SAMD8: variants seen among roughly 807,000 people sequenced by gnomAD.
The protein encoded by SAMD8 is sterile alpha motif domain containing 8.
SAMD8 carries 20 observed loss-of-function variants against 42.0 expected under a neutral mutation model. The ratio of observed to expected loss-of-function variants is 0.48; its 90% CI spans 0.34 to 0.69. The LOEUF is 0.69. Among genes scored for constraint, SAMD8 ranks in the 30% least tolerant of loss-of-function variants. The probability of loss-of-function intolerance (pLI) is 0.01; values close to 1 mark genes in which losing one functional copy is unlikely to be tolerated. For synonymous variants in SAMD8, 162 were observed against 173.0 expected, an observed-to-expected ratio of 0.94 and a Z score of 0.50; for missense variants, 328 against 511.6, an observed-to-expected ratio of 0.64 and a Z score of 3.46.
intron 3 of SAMD8, 45 bp downstream of exon 3, chr10:75,164,785 G>A (rs1208496094): frequency 2.3e-6 from 3 of 1,316,654 alleles, no homozygotes; most frequent in African/African-American, 1.4e-5. Flanking sequence ...TTTGACTCCT[G>A]TATCAAGATC....
At chr10:75,159,161 G>A (rs1840499459) in intron 2 of SAMD8, among the ~76,000 whole-genome samples, 1 of 151,072 alleles carries the variant, frequency 6.6e-6, no homozygotes, top group Admixed American at 6.6e-5. Context: ...TGGGTCAAAC[G>A]GTGCTCATGC....
At chr10:75,170,917 C>T (rs1044210220) in intron 4 of SAMD8, among the ~76,000 whole-genome samples, 1 of 146,456 alleles carries the variant, frequency 6.8e-6, no homozygotes, top group Non-Finnish European at 1.5e-5. Context: ...GGGACCATCA[C>T]ACCTGGCTAT....
At chr10:75,128,486 A>T (rs1849198812) in intron 1 of SAMD8, among the ~76,000 whole-genome samples, 1 of 152,162 alleles carries the variant, frequency 6.6e-6, no homozygotes, top group Non-Finnish European at 1.5e-5. Flanking sequence ...TGTTGGGATT[A>T]CAGAAATGAG....
At chr10:75,160,759 A>G (rs1240051457) in intron 2 of SAMD8, among the ~76,000 whole-genome samples, 1 of 152,178 alleles carries the variant, frequency 6.6e-6, no homozygotes, top group Non-Finnish European at 1.5e-5. Context: ...CCTGCCCAAG[A>G]GGTAAGTTTA....
chr10:75,162,470 A>T (rs1326350357), intron 2 of SAMD8, among the ~76,000 whole-genome samples: 1 of 151,860 alleles, frequency 6.6e-6, no homozygotes, highest in Non-Finnish European at 1.5e-5. Context: ...ACCAACATGG[A>T]GAAACCCCAT....
chr10:75,176,953 G>C lies in SAMD8; in HGVS notation c.*261G>C. The C allele has an allele frequency of 2.7e-6, 1 of 364,776 alleles. No homozygotes were observed. 22.6% of individuals were successfully genotyped at this position (364,776 alleles called of 1,614,324 possible). A position where few individuals can be genotyped will look rare whatever the true frequency, so the allele number is the denominator to read the frequency against. ...AGACTTAATGTTGTGATTGAAGTCA[G>C]GCTGTACCCTTACCTGTTGAGTATT... On this transcript the variant is annotated 3_prime_UTR_variant, in exon 6 of 6. Coordinates refer to ENST00000542569, the MANE Select transcript of SAMD8 (RefSeq NM_001174156.2). The surrounding 1 kb of genome is among the most constrained non-coding windows in gnomAD (Gnocchi z 4.3).
upstream of SAMD8, among the ~76,000 whole-genome samples, chr10:75,109,747 G>C (rs1226573561): frequency 6.6e-6 from 1 of 152,142 alleles, no homozygotes; most frequent in Non-Finnish European, 1.5e-5. Flanking sequence ...AGAGAAATAT[G>C]GGTAAGAGAC....
rs544876293 is a variant in SAMD8, at chr10:75,179,237, A to G, written c.*2545A>G. ...GATGCATGCCTGTGGTCCCAGCTAC[A>G]TGGGAGGCTGAGGCAGAAGGATCAC... On this transcript the variant is annotated 3_prime_UTR_variant, in exon 6 of 6. Transcript: ENST00000542569. 2 of 151,678 alleles carry G rather than the reference A, an allele frequency of 1.3e-5. No homozygotes were observed. The highest frequency in any genetic ancestry group is 2.4e-5 in the African/African-American group (1 of 41,218). 9.4% of individuals were successfully genotyped at this position (151,678 alleles called of 1,614,324 possible).
chr10:75,146,378 G>A (rs893173456), intron 1 of SAMD8, among the ~76,000 whole-genome samples: 2 of 146,488 alleles, frequency 1.4e-5, no homozygotes, highest in Non-Finnish European at 1.5e-5. Flanking sequence ...TCCGCCTCCC[G>A]GGTTCAAGCC....
chr10:75,161,539 CAT>C (rs1172722213), intron 2 of SAMD8, among the ~76,000 whole-genome samples: 4 of 150,158 alleles, frequency 2.7e-5, no homozygotes, highest in Non-Finnish European at 5.9e-5. Flanking sequence ...CTGAGAAAAA[CAT>C]AAGCGCAAAC....
chr10:75,150,803 G>GTCCCATGGGTTCCATGACCCCT lies in SAMD8; in HGVS notation c.277_298dup (p.Phe100SerfsTer20), dbSNP rs746231090. 2 of 1,614,200 alleles carry GTCCCATGGGTTCCATGACCCCT rather than the reference G, an allele frequency of 1.2e-6. No homozygotes were observed. The highest frequency in any genetic ancestry group is 1.7e-6 in the Non-Finnish European group (2 of 1,180,026). ...GAAGAGATGGGCTACAACAGTGACA[G>GTCCCATGGGTTCCATGACCCCT]TCCCATGGGTTCCATGACCCCTTTC... On this transcript the variant is annotated frameshift_variant, in exon 2 of 6. Transcript: ENST00000542569. LOFTEE classifies it high-confidence loss of function.
intron 1 of SAMD8, among the ~76,000 whole-genome samples, chr10:75,139,123 A>T (rs1352970399): frequency 6.6e-6 from 1 of 150,956 alleles, no homozygotes; most frequent in Non-Finnish European, 1.5e-5. Flanking sequence ...ACCACGCCCG[A>T]TTAATTTTTT....
At chr10:75,104,206 G>A in intron 1 of SAMD8, 1 of 707,072 alleles carries the variant, frequency 1.4e-6, no homozygotes, top group Non-Finnish European at 2.1e-6. Flanking sequence ...CTTCTGCCTT[G>A]AGCCCTGTGC....
At chr10:75,139,459 A>T (rs1344576397) in intron 1 of SAMD8, among the ~76,000 whole-genome samples, 2 of 152,210 alleles carry the variant, frequency 1.3e-5, no homozygotes, top group East Asian at 3.8e-4. Flanking sequence ...CAATGGGGAG[A>T]TGGATAAATT....
At chr10:75,139,413 A>G (rs1347369682) in intron 1 of SAMD8, among the ~76,000 whole-genome samples, 1 of 152,234 alleles carries the variant, frequency 6.6e-6, no homozygotes, top group East Asian at 1.9e-4. Flanking sequence ...ATGCAATGCC[A>G]TTTATAATAA....
chr10:75,123,966 G>A (rs938317481), intron 1 of SAMD8, among the ~76,000 whole-genome samples: 3 of 152,094 alleles, frequency 2.0e-5, no homozygotes, highest in Admixed American at 6.6e-5. Context: ...CAGCTCCAGC[G>A]ATCCGCCTGC....
upstream of SAMD8, chr10:75,111,527 G>T: frequency 8.1e-7 from 1 of 1,231,694 alleles, no homozygotes; most frequent in South Asian, 3.9e-5. Context: ...CTGCCGGCGC[G>T]GCGGTGACGG....
intron 1 of SAMD8, among the ~76,000 whole-genome samples, chr10:75,118,664 T>C (rs1386102468): frequency 6.6e-6 from 1 of 152,112 alleles, no homozygotes; most frequent in African/African-American, 2.4e-5. Context: ...AAGAAAAATA[T>C]CTTTCTATAA....
chr10:75,132,974 G>A lies in SAMD8; in HGVS notation c.-15-17540G>A, dbSNP rs974394767. Among the ~76,000 whole-genome samples the A allele has an allele frequency of 3.3e-5, 5 of 152,186 alleles. No individual in the cohort carries two copies. The East Asian group carries it at 9.6e-4, about 29-fold the overall frequency. ...ACTGCACTCCAGCCTGAGCAACAGAGCAAGAGTCTGTCTCAGTCAATCAAT... is the reference window on the plus strand; with the variant it reads ...ACTGCACTCCAGCCTGAGCAACAGAACAAGAGTCTGTCTCAGTCAATCAAT... On this transcript the variant is annotated intron_variant, in intron 1 of 5. Coordinates refer to ENST00000542569, the MANE Select transcript of SAMD8 (RefSeq NM_001174156.2).
Sources: gnomAD v4.1 joint callset for allele counts (sites outside exome capture counted in the v4.1 genomes callset) on GRCh38, gnomAD v4.1.1 for gene constraint, Gnocchi (gnomAD v3.1) non-coding constraint, MANE v1.5 for transcripts, NCBI Gene and HGNC (gene_info 2026-07-23, HGNC 2026-07-21) for gene names.